SFMBT2: variants seen among roughly 807,000 people sequenced by gnomAD.
SFMBT2 encodes the protein Scm like with four mbt domains 2, also known as scm-like with four MBT domains protein 2.
SFMBT2 carries 38 observed loss-of-function variants against 110.1 expected under a neutral mutation model. That is an observed-to-expected ratio of 0.35 (90% CI 0.27 to 0.45). The LOEUF (loss-of-function observed/expected upper bound fraction) is 0.45, where lower values mean the gene tolerates loss of function less well. SFMBT2 is among the 20% of genes least tolerant of loss of function. The pLI is 1.00. For synonymous variants in SFMBT2, 425 were observed against 425.4 expected, an observed-to-expected ratio of 1.00 and a Z score of 0.01; for missense variants, 1,011 against 1,094.9, an observed-to-expected ratio of 0.92 and a Z score of 1.08.
chr10:7,335,549 A>G (rs1354487415), intron 4 of SFMBT2, among the ~76,000 whole-genome samples: 1 of 151,070 alleles, frequency 6.6e-6, no homozygotes, highest in Non-Finnish European at 1.5e-5. Flanking sequence ...CAAAAAAGTA[A>G]CACCTTAAAA....
At chr10:7,398,921 C>G (rs1168724301) in intron 1 of SFMBT2, among the ~76,000 whole-genome samples, 1 of 152,100 alleles carries the variant, frequency 6.6e-6, no homozygotes, top group African/African-American at 2.4e-5. Context: ...CTTCTGTAAG[C>G]CAGACATGCA....
chr10:7,199,074 G>A (rs147108832), intron 14 of SFMBT2, among the ~76,000 whole-genome samples: 2 of 152,242 alleles, frequency 1.3e-5, no homozygotes, highest in African/African-American at 4.8e-5. Context: ...CACCACCTGG[G>A]TTCAAGCAAT....
chr10:7,276,095 C>T (rs919400407), intron 7 of SFMBT2, among the ~76,000 whole-genome samples: 2 of 152,190 alleles, frequency 1.3e-5, no homozygotes, highest in East Asian at 1.9e-4. Flanking sequence ...TTCTATTTCA[C>T]GTAAGTGTGA....
intron 4 of SFMBT2, among the ~76,000 whole-genome samples, chr10:7,297,874 G>A (rs1842448269): frequency 6.6e-6 from 1 of 152,214 alleles, no homozygotes; most frequent in African/African-American, 2.4e-5. Context: ...CCTGAGGATA[G>A]TATCTGCAAT....
In SFMBT2 at chr10:7,172,454, G is replaced by A; in HGVS notation, c.2151+41C>T. 1.2e-6 allele frequency: 2 copies of A among 1,612,214 alleles called. No individual in the cohort carries two copies. Among genetic ancestry groups the A allele is most frequent in the South Asian group, 1.1e-5 (1 of 90,900 alleles). ...CCACACTTGCCGGCCAGGGCCAGAT[G>A]ACAGAGCTACAGGCTGGCAGGTGCC... On this transcript the variant is annotated intron_variant, in intron 18 of 20. Transcript: ENST00000397167. The surrounding 1 kb of genome is among the most constrained non-coding windows in gnomAD (Gnocchi z 4.6).
intron 7 of SFMBT2, among the ~76,000 whole-genome samples, chr10:7,258,920 TA>T (rs1192245811): frequency 6.6e-6 from 1 of 152,252 alleles, no homozygotes; most frequent in African/African-American, 2.4e-5. Flanking sequence ...TGAACACTAA[TA>T]AGCATTTCTA....
At chr10:7,244,342 C>A (rs1010547125) in intron 8 of SFMBT2, among the ~76,000 whole-genome samples, 1 of 152,200 alleles carries the variant, frequency 6.6e-6, no homozygotes. Context: ...CCTCACTCTG[C>A]GCTCCTAAAA....
chr10:7,267,587 T>C (rs1588400331), intron 7 of SFMBT2, among the ~76,000 whole-genome samples: 1 of 152,236 alleles, frequency 6.6e-6, no homozygotes, highest in East Asian at 1.9e-4. Context: ...AGTAGAGATG[T>C]GGTTTCACCA....
At chr10:7,179,480 A>T (rs1838180243) in intron 16 of SFMBT2, among the ~76,000 whole-genome samples, 1 of 151,926 alleles carries the variant, frequency 6.6e-6, no homozygotes, top group Non-Finnish European at 1.5e-5. Flanking sequence ...GGAGAGTAAA[A>T]ATGGGAAATG....
At chr10:7,334,780 C>T (rs1411698130) in intron 4 of SFMBT2, among the ~76,000 whole-genome samples, 1 of 152,196 alleles carries the variant, frequency 6.6e-6, no homozygotes, top group East Asian at 1.9e-4. Flanking sequence ...CTTTGGGCTG[C>T]CTTGCGGAAC....
chr10:7,380,737 T>C (rs1845396012), intron 2 of SFMBT2, among the ~76,000 whole-genome samples: 1 of 152,172 alleles, frequency 6.6e-6, no homozygotes, highest in Non-Finnish European at 1.5e-5. Context: ...CATTTATAAC[T>C]TCATTAGTTA....
chr10:7,287,798 G>T (rs1388219857), intron 4 of SFMBT2, among the ~76,000 whole-genome samples: 2 of 152,192 alleles, frequency 1.3e-5, no homozygotes, highest in African/African-American at 4.8e-5. Flanking sequence ...TGGCCATAAG[G>T]GTGTGGGGCA....
intron 15 of SFMBT2, among the ~76,000 whole-genome samples, chr10:7,192,706 C>T (rs1564375687): frequency 6.6e-6 from 1 of 152,168 alleles, no homozygotes; most frequent in Non-Finnish European, 1.5e-5. Context: ...CCGCCAGGTC[C>T]CACTGGAAAG....
chr10:7,227,741 C>T, intron 10 of SFMBT2, 114 bp downstream of exon 10: 3 of 828,338 alleles, frequency 3.6e-6, no homozygotes, highest in South Asian at 1.6e-5. Flanking sequence ...TTTTGTAGTT[C>T]TCCAGTGCAC....
intron 4 of SFMBT2, among the ~76,000 whole-genome samples, chr10:7,366,504 A>G (rs1033263449): frequency 6.6e-6 from 1 of 152,146 alleles, no homozygotes; most frequent in African/African-American, 2.4e-5. Flanking sequence ...TACCACAAAC[A>G]GAATGAACCT....
At chr10:7,239,252 C>T (rs530429000) in intron 9 of SFMBT2, among the ~76,000 whole-genome samples, 3 of 152,266 alleles carry the variant, frequency 2.0e-5, no homozygotes, top group South Asian at 4.1e-4. Context: ...ATTTAGACAA[C>T]CCAATACATT....
At chr10:7,358,000 C>T (rs764776548) in intron 4 of SFMBT2, among the ~76,000 whole-genome samples, 3 of 152,132 alleles carry the variant, frequency 2.0e-5, no homozygotes, top group Admixed American at 1.3e-4. Flanking sequence ...CTGCATGGCC[C>T]TGTGACATCA....
chr10:7,224,288 A>G (rs1464355774), intron 10 of SFMBT2, among the ~76,000 whole-genome samples: 1 of 152,080 alleles, frequency 6.6e-6, no homozygotes, highest in Non-Finnish European at 1.5e-5. Flanking sequence ...AATTGAGTTC[A>G]CCTCTCCTAG....
intron 14 of SFMBT2, chr10:7,198,310 C>G (rs1050093730): frequency 1.9e-5 from 4 of 214,722 alleles, no homozygotes; most frequent in Non-Finnish European, 3.2e-5. Context: ...TCTCTTACTG[C>G]TGGATATTTA....
Sources: gnomAD v4.1 joint callset for allele counts (sites outside exome capture counted in the v4.1 genomes callset) on GRCh38, gnomAD v4.1.1 for gene constraint, Gnocchi (gnomAD v3.1) non-coding constraint, MANE v1.5 for transcripts, NCBI Gene and HGNC (gene_info 2026-07-23, HGNC 2026-07-21) for gene names.